SNF8: variants seen among roughly 807,000 people sequenced by gnomAD.
The protein encoded by SNF8 is vacuolar-sorting protein SNF8.
Under a neutral mutation model 36.8 loss-of-function variants are expected in SNF8, and 19 were observed. The observed-to-expected ratio is 0.52, with a 90% CI of 0.36 to 0.76. The LOEUF (loss-of-function observed/expected upper bound fraction) is 0.76, where lower values mean the gene tolerates loss of function less well. Ranked by LOEUF, SNF8 falls within the 30% of genes least tolerant of loss-of-function variation. The probability of loss-of-function intolerance (pLI) is 0.00; values close to 1 mark genes in which losing one functional copy is unlikely to be tolerated. For missense variants in SNF8, 268 were observed against 322.9 expected, an observed-to-expected ratio of 0.83 and a Z score of 1.30; for synonymous variants, 127 against 127.4, an observed-to-expected ratio of 1.00 and a Z score of 0.02.
chr17:48,943,281 T>C (rs12943080), intron 2 of SNF8, among the ~76,000 whole-genome samples: 149,311 of 151,816 alleles, frequency 0.98, 73,483 homozygotes, highest in East Asian at 1. Context: ...ACCAGCCTGG[T>C]CAATATGGCG....
At position 48,930,378 on chromosome 17, in the gene SNF8, A is replaced by G; in HGVS notation, c.*97T>C. 7.7e-7 allele frequency: 1 copy of G among 1,298,444 alleles called. No individual in the cohort carries two copies. Among genetic ancestry groups the G allele is most frequent in the Admixed American group, 3.1e-5 (1 of 31,826 alleles). 80.4% of individuals were successfully genotyped at this position (1,298,444 alleles called of 1,614,324 possible). On this transcript the variant is annotated 3_prime_UTR_variant, in exon 8 of 8. Coordinates refer to ENST00000502492, the MANE Select transcript of SNF8 (RefSeq NM_007241.4). ...AATGAGGGAAGAAAGAAAAACTTGG[A>G]ACTTTTTTTCTATTTTTTGTATAAA... is the stretch of plus-strand genomic sequence containing the variant.
chr17:48,941,460 A>G (rs888665609), intron 2 of SNF8, among the ~76,000 whole-genome samples: 1 of 152,142 alleles, frequency 6.6e-6, no homozygotes, highest in African/African-American at 2.4e-5. Context: ...AATTCATCAT[A>G]TCTTAGAAAT....
intron 2 of SNF8, 49 bp from the exon 3 acceptor site, chr17:48,941,111 T>C (rs2041016974): frequency 1.9e-6 from 3 of 1,598,082 alleles, no homozygotes; most frequent in Non-Finnish European, 2.6e-6. Flanking sequence ...CAAATGATAA[T>C]CAGATGCCAA....
chr17:48,930,664 CAA>C (rs1426339173), intron 7 of SNF8, 52 bp from the exon 8 acceptor site: 2 of 1,578,888 alleles, frequency 1.3e-6, no homozygotes, highest in Non-Finnish European at 8.6e-7. Context: ...GTTCCATAGA[CAA>C]AGGGTAGGTA....
intron 5 of SNF8, chr17:48,933,596 C>G (rs1298037500): frequency 2.3e-6 from 1 of 440,136 alleles, no homozygotes; most frequent in Non-Finnish European, 4.2e-6. Flanking sequence ...AAAAAATTAG[C>G]AGGGCATGGT....
intron 7 of SNF8, 69 bp from the exon 8 acceptor site, chr17:48,930,681 A>G (rs1349235329): frequency 1.3e-6 from 2 of 1,486,212 alleles, no homozygotes; most frequent in African/African-American, 2.8e-5. Context: ...TAGGTAAGCA[A>G]CCCCCACACC....
rs189960821 is a variant in SNF8 at position 48,933,174 on chromosome 17, C to A, written c.564+31G>T. On this transcript the variant is annotated intron_variant, in intron 6 of 7. Coordinates refer to ENST00000502492, the MANE Select transcript of SNF8 (RefSeq NM_007241.4). ...GACTTGCCTCACAGACTGTCCCTTG[C>A]ACACACACACACTCGAAGGTGCACC... 87 of 1,582,226 alleles carry A rather than the reference C, an allele frequency of 5.5e-5. No individual in the cohort carries two copies. The African/African-American group carries it at 1.1e-3, about 19-fold the overall frequency.
chr17:48,929,413 C>G lies in SNF8; in HGVS notation c.*1062G>C, dbSNP rs2040823465. On this transcript the variant is annotated 3_prime_UTR_variant, in exon 8 of 8. Coordinates refer to ENST00000502492, the MANE Select transcript of SNF8 (RefSeq NM_007241.4). Reference sequence around the variant, plus strand: ...AAGGAAGGGTCTCAGTATGGAAAAACCATTGAGTTTTCAGATTTCCAGTAC... The same window carrying G: ...AAGGAAGGGTCTCAGTATGGAAAAAGCATTGAGTTTTCAGATTTCCAGTAC... 1 of 152,134 alleles carries G rather than the reference C, an allele frequency of 6.6e-6. No individual in the cohort carries two copies. The highest frequency in any genetic ancestry group is 1.5e-5 in the Non-Finnish European group (1 of 68,048). The allele number at this position is 152,134 out of a possible 1,614,324, so 9.4% of individuals were successfully genotyped here. A position where few individuals can be genotyped will look rare whatever the true frequency, so the allele number is the denominator to read the frequency against.
At chr17:48,933,700 T>TGCACC in intron 5 of SNF8, 1 of 207,480 alleles carries the variant, frequency 4.8e-6, no homozygotes, top group South Asian at 8.9e-5. Flanking sequence ...TGCACCACTG[T>TGCACC]ACTCCAGCCT....
chr17:48,931,348 T>C (rs1204885549), intron 7 of SNF8, among the ~76,000 whole-genome samples: 1 of 152,200 alleles, frequency 6.6e-6, no homozygotes, highest in Admixed American at 6.5e-5. Flanking sequence ...ACAAACTACA[T>C]TAATCTCCTG....
At chr17:48,934,535 C>A (rs57901004) in intron 5 of SNF8, 1 of 178,080 alleles carries the variant, frequency 5.6e-6, no homozygotes, top group South Asian at 7.8e-5. Context: ...ACCCAGGAGG[C>A]GGAGGTTGCA....
At chr17:48,940,391 T>C (rs879542950) in intron 3 of SNF8, among the ~76,000 whole-genome samples, 2 of 152,078 alleles carry the variant, frequency 1.3e-5, no homozygotes, top group African/African-American at 2.4e-5. Context: ...AAAATTCTAC[T>C]GTAGATCATT....
At chr17:48,941,968 G>C (rs1038537424) in intron 2 of SNF8, among the ~76,000 whole-genome samples, 1 of 151,982 alleles carries the variant, frequency 6.6e-6, no homozygotes, top group Non-Finnish European at 1.5e-5. Context: ...TGGGATTACA[G>C]ATGTGAGCCA....
intron 2 of SNF8, among the ~76,000 whole-genome samples, chr17:48,941,425 G>A (rs770528666): frequency 1.4e-3 from 207 of 152,014 alleles, no homozygotes; most frequent in African/African-American, 3.3e-3. Flanking sequence ...CCAGAAAAAC[G>A]TATTAATTTG....
intron 5 of SNF8, among the ~76,000 whole-genome samples, chr17:48,935,421 G>A (rs1408894945): frequency 6.6e-6 from 1 of 151,796 alleles, no homozygotes; most frequent in East Asian, 1.9e-4. Context: ...GCTGAGGCAG[G>A]AGAATGGCGT....
chr17:48,938,496 CAAA>C (rs11339083), intron 3 of SNF8, among the ~76,000 whole-genome samples: 10 of 113,992 alleles, frequency 8.8e-5, no homozygotes, highest in East Asian at 2.5e-4. Flanking sequence ...AACTCCATCT[CAAA>C]AAAAAAAAAA....
At chr17:48,933,476 ATACCC>A in intron 5 of SNF8, 130 bp from the exon 6 acceptor site, 1 of 1,038,686 alleles carries the variant, frequency 9.6e-7, no homozygotes, top group Middle Eastern at 2.7e-4. Flanking sequence ...GCAATGGCTC[ATACCC>A]ATAATCGCAA....
chr17:48,930,725 C>G, intron 7 of SNF8, 113 bp from the exon 8 acceptor site: 11 of 1,105,426 alleles, frequency 1.0e-5, no homozygotes, highest in Non-Finnish European at 1.4e-5. Context: ...CAAACTAAAT[C>G]TACTAAGTGC....
chr17:48,943,608 AAAAC>A (rs55639300), intron 2 of SNF8, among the ~76,000 whole-genome samples: 148,724 of 151,326 alleles, frequency 0.98, 73,146 homozygotes, highest in East Asian at 1. Context: ...ACTCCCTCAA[AAAAC>A]AAACAAACAA....
Sources: gnomAD v4.1 joint callset for allele counts (sites outside exome capture counted in the v4.1 genomes callset) on GRCh38, gnomAD v4.1.1 for gene constraint, MANE v1.5 for transcripts, NCBI Gene and HGNC (gene_info 2026-07-23, HGNC 2026-07-21) for gene names.